COL25A1: variants seen among roughly 807,000 people sequenced by gnomAD.
COL25A1 encodes the protein collagen type XXV alpha 1 chain.
Under a neutral mutation model 128.4 loss-of-function variants are expected in COL25A1, and 103 were observed. The observed-to-expected ratio is 0.80, with a 90% CI of 0.68 to 0.94. COL25A1 has a LOEUF of 0.94. COL25A1 is among the 40% of genes least tolerant of loss of function. The pLI, the probability that COL25A1 is intolerant of heterozygous loss-of-function variation, is 0.00. For synonymous variants in COL25A1, 279 were observed against 277.2 expected (o/e 1.01, Z -0.06); for missense variants, 745 against 840.0 (o/e 0.89, Z 1.40).
intron 8 of COL25A1, among the ~76,000 whole-genome samples, chr4:108,970,960 C>T (rs1335254026): frequency 6.6e-6 from 1 of 151,978 alleles, no homozygotes; most frequent in Non-Finnish European, 1.5e-5. Flanking sequence ...TATTATTGTT[C>T]CTTAACTAAA....
chr4:109,019,299 G>A (rs936456866), intron 5 of COL25A1, among the ~76,000 whole-genome samples: 4 of 148,960 alleles, frequency 2.7e-5, no homozygotes, highest in Non-Finnish European at 5.9e-5. Context: ...TTGTGATCAT[G>A]TAAGTTAATA....
At chr4:109,194,170 C>T (rs1775833162) in intron 3 of COL25A1, among the ~76,000 whole-genome samples, 1 of 152,116 alleles carries the variant, frequency 6.6e-6, no homozygotes, top group South Asian at 2.1e-4. Flanking sequence ...TAACAATAAA[C>T]CCAGGACTCC....
intron 13 of COL25A1, among the ~76,000 whole-genome samples, chr4:108,916,428 T>C (rs1279547928): frequency 1.3e-5 from 2 of 152,202 alleles, no homozygotes; most frequent in Non-Finnish European, 2.9e-5. Flanking sequence ...AAATAAAGAA[T>C]ATGCAGTCTT....
intron 3 of COL25A1, among the ~76,000 whole-genome samples, chr4:109,171,001 T>A (rs1274959414): frequency 6.6e-6 from 1 of 152,142 alleles, no homozygotes; most frequent in Non-Finnish European, 1.5e-5. Flanking sequence ...AAGGACTTTA[T>A]CTTTTTCACT....
intron 5 of COL25A1, among the ~76,000 whole-genome samples, chr4:109,012,176 C>T (rs1756657976): frequency 6.6e-6 from 1 of 152,214 alleles, no homozygotes; most frequent in Non-Finnish European, 1.5e-5. Flanking sequence ...CTATGCCCCG[C>T]TAACTTTATT....
chr4:109,169,064 A>G (rs1400440448), intron 3 of COL25A1, among the ~76,000 whole-genome samples: 1 of 152,052 alleles, frequency 6.6e-6, no homozygotes, highest in Non-Finnish European at 1.5e-5. Flanking sequence ...TGTGCCCCAC[A>G]CTCTACGGTA....
chr4:109,238,319 G>A (rs1313422582), intron 3 of COL25A1, among the ~76,000 whole-genome samples: 1 of 151,976 alleles, frequency 6.6e-6, no homozygotes, highest in African/African-American at 2.4e-5. Context: ...TACTTTTTAA[G>A]TATTGCCTCA....
intron 8 of COL25A1, among the ~76,000 whole-genome samples, chr4:108,966,542 A>G (rs1034492750): frequency 1.3e-5 from 2 of 152,094 alleles, no homozygotes; most frequent in Non-Finnish European, 2.9e-5. Context: ...TCCTCATCAG[A>G]AAAATAAAAA....
chr4:108,951,969 T>C (rs1749491751), intron 8 of COL25A1, among the ~76,000 whole-genome samples: 1 of 152,128 alleles, frequency 6.6e-6, no homozygotes, highest in Non-Finnish European at 1.5e-5. Context: ...TAAGAAGGGA[T>C]TGTGAGCCTA....
intron 3 of COL25A1, among the ~76,000 whole-genome samples, chr4:109,162,606 A>G (rs1382926916): frequency 6.6e-6 from 1 of 152,230 alleles, no homozygotes; most frequent in Non-Finnish European, 1.5e-5. Context: ...AGGAATGTCT[A>G]GAGTCAACGA....
rs1420661482 is a variant in COL25A1 at position 108,810,676 on chromosome 4, A to C, written c.*3251T>G. The C allele has an allele frequency of 3.3e-5, 5 of 152,016 alleles. No individual in the cohort carries two copies. The highest frequency in any genetic ancestry group is 1.2e-4 in the African/African-American group (5 of 41,456). 9.4% of individuals were successfully genotyped at this position (152,016 alleles called of 1,614,324 possible). ...AGATGAGACACATGAAAGTAGATAAAGGCATATGATGTATGAAATGAATAT... is the reference window on the plus strand; with the variant it reads ...AGATGAGACACATGAAAGTAGATAACGGCATATGATGTATGAAATGAATAT... On this transcript the variant is annotated 3_prime_UTR_variant, in exon 38 of 38. Transcript: ENST00000399132.
chr4:109,242,984 G>A (rs970985162), intron 3 of COL25A1, among the ~76,000 whole-genome samples: 3 of 151,980 alleles, frequency 2.0e-5, no homozygotes, highest in Admixed American at 6.6e-5. Flanking sequence ...AGGTTTTCAT[G>A]CTGGACATTA....
chr4:108,988,761 C>G (rs1416664829), intron 6 of COL25A1, among the ~76,000 whole-genome samples: 1 of 152,330 alleles, frequency 6.6e-6, no homozygotes, highest in East Asian at 1.9e-4. Flanking sequence ...TTTCTACTTG[C>G]AAACCCAGTA....
chr4:109,239,388 G>A (rs960438584), intron 3 of COL25A1, among the ~76,000 whole-genome samples: 9 of 90,182 alleles, frequency 1.0e-4, no homozygotes, highest in African/African-American at 3.5e-4. Context: ...GTGTGTGTGT[G>A]TGTGTGTATA....
chr4:108,850,743 A>G (rs1270179495), intron 26 of COL25A1, among the ~76,000 whole-genome samples: 5 of 152,290 alleles, frequency 3.3e-5, no homozygotes, highest in South Asian at 4.1e-4. Context: ...CTTACTAGAT[A>G]TTAGTCCTTA....
At chr4:108,965,966 A>G (rs918405227) in intron 8 of COL25A1, among the ~76,000 whole-genome samples, 3 of 152,236 alleles carry the variant, frequency 2.0e-5, no homozygotes, top group African/African-American at 7.2e-5. Context: ...AAGTATAAGC[A>G]AGATCTTGAT....
chr4:108,921,777 C>G (rs913396972), intron 11 of COL25A1, among the ~76,000 whole-genome samples: 1 of 152,182 alleles, frequency 6.6e-6, no homozygotes, highest in Admixed American at 6.5e-5. Flanking sequence ...GTACACTGTG[C>G]AATACTGCCT....
intron 5 of COL25A1, among the ~76,000 whole-genome samples, chr4:109,012,111 C>A (rs1388688155): frequency 6.6e-6 from 1 of 152,206 alleles, no homozygotes; most frequent in Admixed American, 6.5e-5. Context: ...CTCCCAGGCT[C>A]AAGTGATCCT....
chr4:109,027,223 TAAG>T (rs1223084980), intron 5 of COL25A1, among the ~76,000 whole-genome samples: 2 of 152,080 alleles, frequency 1.3e-5, no homozygotes, highest in Non-Finnish European at 2.9e-5. Context: ...TACATGAGGA[TAAG>T]GAGGCTAGAG....
Sources: gnomAD v4.1 joint callset for allele counts (sites outside exome capture counted in the v4.1 genomes callset) on GRCh38, gnomAD v4.1.1 for gene constraint, MANE v1.5 for transcripts, NCBI Gene and HGNC (gene_info 2026-07-23, HGNC 2026-07-21) for gene names.